The following PCDH7 variants were observed in gnomAD, a reference collection of about 807,000 sequenced individuals.
The protein encoded by PCDH7 is protocadherin 7.
In PCDH7, 17 loss-of-function variants were observed where a neutral mutation model predicts 58.9. The ratio of observed to expected loss-of-function variants is 0.29; its 90% CI spans 0.20 to 0.43. The LOEUF is 0.43. Among genes scored for constraint, PCDH7 ranks in the 20% least tolerant of loss-of-function variants. The probability of loss-of-function intolerance (pLI) is 1.00; values close to 1 mark genes in which losing one functional copy is unlikely to be tolerated. For synonymous variants in PCDH7, 664 were observed against 616.4 expected (o/e 1.08, Z -1.14); for missense variants, 1,274 against 1,441.0 (o/e 0.88, Z 1.88).
intron 1 of PCDH7, among the ~76,000 whole-genome samples, chr4:30,848,041 G>A (rs1039466718): frequency 1.3e-5 from 2 of 152,094 alleles, no homozygotes; most frequent in African/African-American, 4.8e-5. Flanking sequence ...TGTCTTTAAT[G>A]TATATGAAGA....
intron 3 of PCDH7, among the ~76,000 whole-genome samples, chr4:31,017,104 G>A (rs1401472701): frequency 6.6e-6 from 1 of 152,116 alleles, no homozygotes; most frequent in Non-Finnish European, 1.5e-5. Flanking sequence ...TGCCAGTGGT[G>A]TCAGAGAAGT....
At chr4:30,989,271 CT>C (rs912643471) in intron 3 of PCDH7, among the ~76,000 whole-genome samples, 2 of 147,898 alleles carry the variant, frequency 1.4e-5, no homozygotes, top group African/African-American at 5.3e-5. Context: ...AAGATAGGTA[CT>C]CCTAAAACCT....
chr4:30,991,304 G>T (rs949852726), intron 3 of PCDH7, among the ~76,000 whole-genome samples: 4 of 152,090 alleles, frequency 2.6e-5, no homozygotes, highest in African/African-American at 9.7e-5. Flanking sequence ...TACCTAAATG[G>T]ACAACATTCC....
intron 3 of PCDH7, among the ~76,000 whole-genome samples, chr4:31,034,424 TGCATTAAATATTATG>T (rs1362122236): frequency 6.6e-6 from 1 of 152,210 alleles, no homozygotes; most frequent in African/African-American, 2.4e-5. Context: ...AGAAATTGTG[TGCATTAAATATTATG>T]GTTTTTGATT....
At chr4:30,960,960 T>C (rs1748356355) in intron 3 of PCDH7, among the ~76,000 whole-genome samples, 1 of 152,190 alleles carries the variant, frequency 6.6e-6, no homozygotes, top group Admixed American at 6.5e-5. Context: ...AACATTGGAG[T>C]TGATTTCATT....
intron 3 of PCDH7, among the ~76,000 whole-genome samples, chr4:31,102,806 C>T (rs961752593): frequency 2.0e-5 from 3 of 152,078 alleles, no homozygotes; most frequent in African/African-American, 7.2e-5. Flanking sequence ...CCTGTGCCTT[C>T]TTTGGACTTT....
chr4:30,795,500 T>G (rs1724664371), intron 1 of PCDH7, among the ~76,000 whole-genome samples: 1 of 152,230 alleles, frequency 6.6e-6, no homozygotes, highest in South Asian at 2.1e-4. Context: ...GAGCTAAGAT[T>G]CTAGAATTGG....
At chr4:30,836,316 A>G (rs1442887359) in intron 1 of PCDH7, among the ~76,000 whole-genome samples, 2 of 152,220 alleles carry the variant, frequency 1.3e-5, no homozygotes, top group African/African-American at 4.8e-5. Context: ...GTTTGCATAC[A>G]AGACCAAATG....
intron 2 of PCDH7, among the ~76,000 whole-genome samples, chr4:30,936,171 T>C (rs1192107659): frequency 6.6e-6 from 1 of 151,998 alleles, no homozygotes; most frequent in Non-Finnish European, 1.5e-5. Context: ...ATTAATTATT[T>C]TATAGTATAT....
At chr4:30,825,277 T>G (rs1341897743) in intron 1 of PCDH7, among the ~76,000 whole-genome samples, 1 of 152,186 alleles carries the variant, frequency 6.6e-6, no homozygotes, top group Non-Finnish European at 1.5e-5. Context: ...TTTGAAAATC[T>G]GTGATATGAA....
intron 3 of PCDH7, among the ~76,000 whole-genome samples, chr4:30,980,497 A>G (rs1414698428): frequency 1.3e-5 from 2 of 152,226 alleles, no homozygotes; most frequent in African/African-American, 2.4e-5. Context: ...ACTGGCAGAC[A>G]TAAAATGAAG....
intron 3 of PCDH7, among the ~76,000 whole-genome samples, chr4:31,104,460 A>G (rs907691389): frequency 6.6e-6 from 1 of 152,210 alleles, no homozygotes; most frequent in Non-Finnish European, 1.5e-5. Context: ...TAGGTAAATG[A>G]TATAGCACTT....
At chr4:30,953,745 T>C (rs1250401332) in intron 3 of PCDH7, among the ~76,000 whole-genome samples, 1 of 152,156 alleles carries the variant, frequency 6.6e-6, no homozygotes, top group African/African-American at 2.4e-5. Flanking sequence ...TACTTTGTAA[T>C]TTAATACATA....
At chr4:30,750,746 G>T (rs569580597) in intron 1 of PCDH7, among the ~76,000 whole-genome samples, 6 of 151,900 alleles carry the variant, frequency 3.9e-5, no homozygotes, top group African/African-American at 1.5e-4. Flanking sequence ...CCCATGTACC[G>T]AGAATACAAA....
At chr4:30,955,469 C>G (rs997147878) in intron 3 of PCDH7, among the ~76,000 whole-genome samples, 2 of 151,560 alleles carry the variant, frequency 1.3e-5, no homozygotes, top group South Asian at 4.2e-4. Context: ...TTCTCGAGGC[C>G]ACTATTTTTA....
chr4:30,992,047 G>C (rs1276843442), intron 3 of PCDH7, among the ~76,000 whole-genome samples: 1 of 152,052 alleles, frequency 6.6e-6, no homozygotes, highest in Non-Finnish European at 1.5e-5. Flanking sequence ...AATGACTTTG[G>C]GCAAATAATG....
chr4:31,054,010 A>G (rs1278239278), intron 3 of PCDH7, among the ~76,000 whole-genome samples: 2 of 152,062 alleles, frequency 1.3e-5, no homozygotes, highest in Non-Finnish European at 2.9e-5. Context: ...TCCAGACTGG[A>G]GTACTGTGCC....
At chr4:30,738,961 C>T (rs930502620) in intron 1 of PCDH7, among the ~76,000 whole-genome samples, 4 of 151,738 alleles carry the variant, frequency 2.6e-5, no homozygotes, top group Admixed American at 6.6e-5. Context: ...TGACTCTTCA[C>T]GATTATTATG....
chr4:30,768,993 T>C (rs1017025925), intron 1 of PCDH7, among the ~76,000 whole-genome samples: 6 of 152,246 alleles, frequency 3.9e-5, no homozygotes, highest in African/African-American at 1.4e-4. Flanking sequence ...AGATTAGCAA[T>C]GATTGTGTTT....
Sources: allele counts gnomAD v4.1 joint callset (sites outside exome capture counted in the v4.1 genomes callset), GRCh38; gene constraint gnomAD v4.1.1; transcripts MANE v1.5; gene names NCBI Gene and HGNC (gene_info 2026-07-23, HGNC 2026-07-21).